LRRC7: variants seen among roughly 807,000 people sequenced by gnomAD.
The protein encoded by LRRC7 is leucine-rich repeat-containing protein 7.
A neutral mutation model predicts 175.7 loss-of-function variants in LRRC7; 23 were observed. The observed-to-expected ratio is 0.13, with a 90% CI of 0.09 to 0.19. LRRC7 has a LOEUF of 0.19. LRRC7 is among the 10% of genes least tolerant of loss of function. The pLI is 1.00. For missense variants in LRRC7, 1,354 were observed against 1,904.7 expected (o/e 0.71, Z 5.38); for synonymous variants, 685 against 680.9 (o/e 1.01, Z -0.09).
In LRRC7 at chr1:70,124,763, A is replaced by G. The variant is rs550679356; in HGVS notation, c.*2876A>G. On this transcript the variant is annotated 3_prime_UTR_variant, in exon 27 of 27. Coordinates refer to ENST00000651989, the MANE Select transcript of LRRC7 (RefSeq NM_001370785.2). ...GTCAAGGGTGTGCCTTTTAAAAAAA[A>G]AAAAGAAAAATCAATAACAACAAAA... 6.6e-6 allele frequency among the ~76,000 whole-genome samples: 1 copy of G among 152,038 alleles called. No homozygotes were observed. The highest frequency in any genetic ancestry group is 2.4e-5 in the African/African-American group (1 of 41,560).
At chr1:69,924,842 T>A (rs1389944730) in intron 7 of LRRC7, among the ~76,000 whole-genome samples, 1 of 152,200 alleles carries the variant, frequency 6.6e-6, no homozygotes, top group Non-Finnish European at 1.5e-5. Flanking sequence ...CTATGTTGAA[T>A]AGGAGTGGTG....
intron 7 of LRRC7, among the ~76,000 whole-genome samples, chr1:69,862,264 G>A (rs1684433699): frequency 6.6e-6 from 1 of 152,220 alleles, no homozygotes; most frequent in Admixed American, 6.5e-5. Context: ...AGTCCAGGTT[G>A]AACGTGGAAA....
intron 1 of LRRC7, among the ~76,000 whole-genome samples, chr1:69,598,095 C>A (rs1646913874): frequency 6.6e-6 from 1 of 152,110 alleles, no homozygotes; most frequent in Non-Finnish European, 1.5e-5. Context: ...AATGTGTTGT[C>A]CTGTCTGCTA....
intron 4 of LRRC7, among the ~76,000 whole-genome samples, chr1:69,813,267 C>T (rs988581749): frequency 6.6e-6 from 1 of 152,104 alleles, no homozygotes; most frequent in African/African-American, 2.4e-5. Context: ...CTTGCTTGCT[C>T]AGCAAAATTA....
At chr1:69,838,496 A>G (rs1040202175) in intron 7 of LRRC7, among the ~76,000 whole-genome samples, 1 of 151,936 alleles carries the variant, frequency 6.6e-6, no homozygotes, top group African/African-American at 2.4e-5. Context: ...TAAAGGTGGA[A>G]AGAGTTCACT....
intron 7 of LRRC7, among the ~76,000 whole-genome samples, chr1:69,898,445 G>A (rs1039421929): frequency 8.5e-5 from 13 of 152,190 alleles, no homozygotes; most frequent in Admixed American, 2.6e-4. Flanking sequence ...AGCTGAAAAG[G>A]ACTTTAATGG....
At chr1:69,970,377 A>G (rs1409490296) in intron 8 of LRRC7, among the ~76,000 whole-genome samples, 1 of 152,214 alleles carries the variant, frequency 6.6e-6, no homozygotes, top group Non-Finnish European at 1.5e-5. Context: ...CTGATAGACC[A>G]CTGGCAAGAT....
chr1:69,933,607 T>C (rs998320201), intron 8 of LRRC7, among the ~76,000 whole-genome samples: 7 of 152,196 alleles, frequency 4.6e-5, no homozygotes, highest in Non-Finnish European at 7.3e-5. Flanking sequence ...CTCTATCTTA[T>C]AGGCTTTTTG....
chr1:69,675,538 T>C (rs1420514805), intron 1 of LRRC7, among the ~76,000 whole-genome samples: 1 of 152,150 alleles, frequency 6.6e-6, no homozygotes, highest in Non-Finnish European at 1.5e-5. Flanking sequence ...ATGTAGACAT[T>C]TGCATGTGCA....
chr1:69,807,126 T>A (rs1677210643), intron 4 of LRRC7, among the ~76,000 whole-genome samples: 1 of 152,058 alleles, frequency 6.6e-6, no homozygotes, highest in African/African-American at 2.4e-5. Context: ...AACCCCTGCT[T>A]TTTTTGCTTT....
intron 1 of LRRC7, among the ~76,000 whole-genome samples, chr1:69,637,118 C>T (rs943688515): frequency 1.3e-5 from 2 of 151,570 alleles, no homozygotes; most frequent in Middle Eastern, 3.4e-3. Flanking sequence ...CGCTCCCCCG[C>T]ACACAGAGTT....
At chr1:69,601,214 T>C (rs1021384636) in intron 1 of LRRC7, among the ~76,000 whole-genome samples, 2 of 152,208 alleles carry the variant, frequency 1.3e-5, no homozygotes, top group Non-Finnish European at 2.9e-5. Flanking sequence ...CCCTCTCCGC[T>C]GACAAAGCAA....
At chr1:69,675,384 T>A (rs978436766) in intron 1 of LRRC7, among the ~76,000 whole-genome samples, 3 of 152,162 alleles carry the variant, frequency 2.0e-5, no homozygotes, top group Admixed American at 2.0e-4. Context: ...TGTTTTCACA[T>A]ATTTGATAGA....
At chr1:70,064,334 A>C (rs747056654) in intron 23 of LRRC7, among the ~76,000 whole-genome samples, 3 of 152,116 alleles carry the variant, frequency 2.0e-5, no homozygotes, top group Admixed American at 6.6e-5. Context: ...TCTACAGTAC[A>C]TACAGTAGGC....
intron 1 of LRRC7, among the ~76,000 whole-genome samples, chr1:69,606,488 A>G (rs1466133053): frequency 6.6e-6 from 1 of 152,124 alleles, no homozygotes; most frequent in Non-Finnish European, 1.5e-5. Context: ...AAAATAAGAT[A>G]CCAAAAGCTG....
chr1:69,601,083 T>C (rs1188844069), intron 1 of LRRC7, among the ~76,000 whole-genome samples: 4 of 152,162 alleles, frequency 2.6e-5, no homozygotes, highest in Admixed American at 6.5e-5. Context: ...CCCAAAGTGC[T>C]GGGATTACAG....
In LRRC7 at chr1:69,668,252, C is replaced by T. The variant is rs568394495; in HGVS notation, c.3-10129C>T. Reference sequence around the variant, plus strand: ...CGGTGGTTTGCTGCACCCATCAACCCATCATCTACATTAGGTATTTCTCCT... The same window carrying T: ...CGGTGGTTTGCTGCACCCATCAACCTATCATCTACATTAGGTATTTCTCCT... On this transcript the variant is annotated intron_variant, in intron 1 of 26. Transcript: ENST00000651989. 5.9e-5 allele frequency among the ~76,000 whole-genome samples: 9 copies of T among 151,886 alleles called. No individual in the cohort carries two copies. In the East Asian group the frequency reaches 1.4e-3, roughly 23 times the overall value.
At chr1:69,848,339 T>C (rs1357796334) in intron 7 of LRRC7, among the ~76,000 whole-genome samples, 1 of 152,134 alleles carries the variant, frequency 6.6e-6, no homozygotes, top group Non-Finnish European at 1.5e-5. Context: ...CTGCAGATTT[T>C]GGAATGGCAC....
intron 1 of LRRC7, among the ~76,000 whole-genome samples, chr1:69,660,838 T>G (rs769725049): frequency 1.1e-4 from 17 of 152,056 alleles, no homozygotes; most frequent in Non-Finnish European, 4.4e-5. Flanking sequence ...GTGACACAAT[T>G]TGACTCATGA....
Sources: gnomAD v4.1 joint callset for allele counts (sites outside exome capture counted in the v4.1 genomes callset) on GRCh38, gnomAD v4.1.1 for gene constraint, MANE v1.5 for transcripts, NCBI Gene and HGNC (gene_info 2026-07-23, HGNC 2026-07-21) for gene names.